The following RBM34 variants were observed in gnomAD, a reference collection of about 807,000 sequenced individuals.
The protein encoded by RBM34 is RNA-binding protein 34.
In RBM34, 39 loss-of-function variants were observed where a neutral mutation model predicts 44.6. The ratio of observed to expected loss-of-function variants is 0.87; its 90% confidence interval spans 0.68 to 1.14. The LOEUF (loss-of-function observed/expected upper bound fraction) is 1.14, where lower values mean the gene tolerates loss of function less well. Ranked by LOEUF, RBM34 falls within the 50% of genes most tolerant of loss-of-function variation. RBM34 has a pLI of 0.00. For synonymous variants in RBM34, 194 were observed against 184.0 expected (o/e 1.05, Z -0.44); for missense variants, 572 against 517.9 (o/e 1.10, Z -1.01).
At chr1:235,140,837 C>G (rs1204148774) in intron 6 of RBM34, among the ~76,000 whole-genome samples, 1 of 152,190 alleles carries the variant, frequency 6.6e-6, no homozygotes, top group Non-Finnish European at 1.5e-5. Context: ...GTGTCTAGCT[C>G]AGGGTCTGTG....
At chr1:235,146,242 G>A (rs777037661) in intron 6 of RBM34, among the ~76,000 whole-genome samples, 4 of 151,964 alleles carry the variant, frequency 2.6e-5, no homozygotes, top group Admixed American at 6.6e-5. Context: ...CACTGCACCC[G>A]GCCTTCAGCA....
intron 3 of RBM34, among the ~76,000 whole-genome samples, chr1:235,155,860 TATATATAC>T (rs1662413462): frequency 5.0e-5 from 2 of 39,860 alleles, no homozygotes; most frequent in East Asian, 1.2e-3. Context: ...TATATATATA[TATATATAC>T]ATATATACTT....
chr1:235,143,075 T>TA (rs1455095430), intron 6 of RBM34, among the ~76,000 whole-genome samples: 26 of 151,984 alleles, frequency 1.7e-4, no homozygotes, highest in Admixed American at 1.6e-3. Flanking sequence ...TAAAAGTCAC[T>TA]AAAAAATGGG....
chr1:235,153,876 A>G (rs1662278061), intron 4 of RBM34, among the ~76,000 whole-genome samples: 1 of 152,220 alleles, frequency 6.6e-6, no homozygotes, highest in Non-Finnish European at 1.5e-5. Context: ...TCGTCACACA[A>G]CGGAAGAAAC....
At chr1:235,137,967 G>A in intron 7 of RBM34, 27 bp from the exon 8 acceptor site, 1 of 1,584,076 alleles carries the variant, frequency 6.3e-7, no homozygotes, top group African/African-American at 1.3e-5. Flanking sequence ...AAGGGAAAAT[G>A]GTTGTTAAAA....
At chr1:235,156,377 A>T (rs1026435651) in intron 3 of RBM34, among the ~76,000 whole-genome samples, 1 of 152,130 alleles carries the variant, frequency 6.6e-6, no homozygotes, top group African/African-American at 2.4e-5. Context: ...ATCTATACAA[A>T]AGCTGATTCA....
intron 8 of RBM34, among the ~76,000 whole-genome samples, chr1:235,136,877 C>A (rs181913477): frequency 6.6e-6 from 1 of 152,280 alleles, no homozygotes; most frequent in East Asian, 1.9e-4. Context: ...CAAGCTCTTG[C>A]CATCTCCTGA....
intron 3 of RBM34, among the ~76,000 whole-genome samples, chr1:235,155,820 T>TAC (rs1479289393): frequency 1.2e-5 from 1 of 85,452 alleles, no homozygotes; most frequent in Non-Finnish European, 2.1e-5. Flanking sequence ...TACATACATA[T>TAC]ACATATATAT....
chr1:235,137,707 C>T (rs939202699), intron 8 of RBM34, among the ~76,000 whole-genome samples, 170 bp downstream of exon 8: 2 of 152,122 alleles, frequency 1.3e-5, no homozygotes. Context: ...ATGTTGACCT[C>T]GGTCCTTGTG....
chr1:235,155,868 C>CATAT (rs1662418400), intron 3 of RBM34, among the ~76,000 whole-genome samples: 1 of 24,752 alleles, frequency 4.0e-5, no homozygotes, highest in Non-Finnish European at 6.7e-5. Flanking sequence ...TATATATATA[C>CATAT]ATATATACTT....
chr1:235,152,838 G>C, intron 4 of RBM34, 73 bp from the exon 5 acceptor site: 132 of 1,104,764 alleles, frequency 1.2e-4, no homozygotes, highest in Non-Finnish European at 1.5e-4. Context: ...AAGGAATTAA[G>C]AAAAATTGTC....
chr1:235,131,761 TTTC>T lies in RBM34; in HGVS notation c.1242_1244del (p.Lys415del), dbSNP rs1458032694. ...TAGGGCGTCCACTTTTCTTCTGTCC[TTTC>T]TTCTTCGTTTTAAGGAGAACAGCTT... On this transcript the variant is annotated inframe_deletion, in exon 11 of 11. Coordinates refer to ENST00000408888, the MANE Select transcript of RBM34 (RefSeq NM_015014.4). 1.2e-6 allele frequency: 2 copies of T among 1,610,708 alleles called. No individual in the cohort carries two copies. Among genetic ancestry groups the T allele is most frequent in the Non-Finnish European group, 1.7e-6 (2 of 1,179,176 alleles).
At chr1:235,153,543 GC>G (rs1228880032) in intron 4 of RBM34, among the ~76,000 whole-genome samples, 1 of 151,800 alleles carries the variant, frequency 6.6e-6, no homozygotes. Context: ...TCCTGCCTTA[GC>G]CTTCAAAGTA....
intron 6 of RBM34, among the ~76,000 whole-genome samples, chr1:235,144,499 T>TAA (rs67277220): frequency 0.018 from 2,432 of 132,192 alleles, 59 homozygotes; most frequent in African/African-American, 0.05. Context: ...CTTAATAAAC[T>TAA]AAAAAAAAAA....
Position 235,131,418 on chromosome 1 carries a change from G to A in RBM34, c.*295C>T, listed in dbSNP as rs2102818733. On this transcript the variant is annotated 3_prime_UTR_variant, in exon 11 of 11. Transcript: ENST00000408888. ...AGCTACTTGGGAGGCTGAGGCAGGAGAAGCGCTTGAACCCAGAAGGCAGAG... is the reference window on the plus strand; with the variant it reads ...AGCTACTTGGGAGGCTGAGGCAGGAAAAGCGCTTGAACCCAGAAGGCAGAG... The A allele has an allele frequency of 4.6e-6, 1 of 218,194 alleles. No homozygotes were observed. The allele number at this position is 218,194 out of a possible 1,614,324, so 13.5% of individuals were successfully genotyped here. A position where few individuals can be genotyped will look rare whatever the true frequency, so the allele number is the denominator to read the frequency against.
intron 3 of RBM34, among the ~76,000 whole-genome samples, chr1:235,158,875 G>A (rs1242997523): frequency 6.6e-6 from 1 of 151,232 alleles, no homozygotes; most frequent in Admixed American, 6.6e-5. Flanking sequence ...CCTAGCACTT[G>A]GGGAGACGGA....
chr1:235,161,206 G>C lies in RBM34; in HGVS notation c.21C>G (p.Ser7Arg), dbSNP rs758119068. 6.2e-7 allele frequency: 1 copy of C among 1,611,434 alleles called. No homozygotes were observed. The highest frequency in any genetic ancestry group is 8.5e-7 in the Non-Finnish European group (1 of 1,178,636). ...GGACACTTCTCTTTCTCTTCCGTTTGCTCATCCCTTCCAAGGCCATTCTTA... is the reference window on the plus strand; with the variant it reads ...GGACACTTCTCTTTCTCTTCCGTTTCCTCATCCCTTCCAAGGCCATTCTTA... MALEGM[S>R]KRKRKRSVQE... The change falls in exon 1 of 11, where the codon AGC (serine) becomes AGG (arginine). Residue 7 changes from serine (S) to arginine (R), a missense_variant. Ser to Arg is a moderately radical substitution (Grantham distance 110, BLOSUM62 -1). Transcript: ENST00000408888.
chr1:235,149,789 T>C (rs1283101608), intron 5 of RBM34, among the ~76,000 whole-genome samples: 5 of 152,184 alleles, frequency 3.3e-5, no homozygotes, highest in African/African-American at 7.2e-5. Context: ...ATCTAGAACA[T>C]AAATGCCATG....
Position 235,152,738 on chromosome 1 carries a change from C to T in RBM34, c.625G>A (p.Gly209Arg). The T allele has an allele frequency of 1.3e-6, 2 of 1,589,092 alleles. No individual in the cohort carries two copies. The highest frequency in any genetic ancestry group is 1.7e-6 in the Non-Finnish European group (2 of 1,168,782). The change falls in exon 5 of 11, where the codon GGA (glycine) becomes AGA (arginine). Residue 209 changes from glycine (G) to arginine (R), a missense_variant. Gly to Arg is a moderately radical substitution (Grantham distance 125, BLOSUM62 -2). Coordinates refer to ENST00000408888, the MANE Select transcript of RBM34 (RefSeq NM_015014.4). ...CGAAATCGTACAGATTCTATTTGTC[C>T]ATACTCTTTAAAAAACGACTTCAGC... ...KKLKSFFKEY[G>R]QIESVRFRSL...
Sources: gnomAD v4.1 joint callset for allele counts (sites outside exome capture counted in the v4.1 genomes callset) on GRCh38, gnomAD v4.1.1 for gene constraint, MANE v1.5 for transcripts, NCBI Gene and HGNC (gene_info 2026-07-23, HGNC 2026-07-21) for gene names.